CNGB1: variants seen among roughly 807,000 people sequenced by gnomAD.
CNGB1 encodes the protein cyclic nucleotide-gated channel beta-1.
Under a neutral mutation model 151.7 loss-of-function variants are expected in CNGB1, and 126 were observed. The observed-to-expected ratio is 0.83, with a 90% CI of 0.72 to 0.96. The LOEUF (loss-of-function observed/expected upper bound fraction) is 0.96. CNGB1 is among the 40% of genes least tolerant of loss of function. The probability of loss-of-function intolerance (pLI) is 0.00; values close to 1 mark genes in which losing one functional copy is unlikely to be tolerated. For missense variants in CNGB1, 1,698 were observed against 1,627.0 expected (o/e 1.04, Z -0.75); for synonymous variants, 623 against 635.1 (o/e 0.98, Z 0.29).
intron 31 of CNGB1, among the ~76,000 whole-genome samples, chr16:57,894,426 C>T (rs1434688591): frequency 6.6e-6 from 1 of 152,140 alleles, no homozygotes; most frequent in Non-Finnish European, 1.5e-5. Context: ...CGTGGCAAAG[C>T]CCCATCTCTA....
chr16:57,888,732 G>T (rs763306874), intron 31 of CNGB1, among the ~76,000 whole-genome samples: 3 of 151,622 alleles, frequency 2.0e-5, no homozygotes, highest in Non-Finnish European at 2.9e-5. Flanking sequence ...AATTACAGGT[G>T]TGAGGCACCG....
chr16:57,967,035 T>G, intron 2 of CNGB1, 93 bp downstream of exon 2: 1 of 1,577,014 alleles, frequency 6.3e-7, no homozygotes, highest in Non-Finnish European at 8.7e-7. Flanking sequence ...CAACCTTTTC[T>G]GCTGTAGAAA....
At chr16:57,952,017 T>C (rs1961960809) in intron 12 of CNGB1, among the ~76,000 whole-genome samples, 1 of 152,198 alleles carries the variant, frequency 6.6e-6, no homozygotes, top group Admixed American at 6.5e-5. Flanking sequence ...TGACCCTGAA[T>C]CCGGTGGTGG....
intron 24 of CNGB1, 21 bp downstream of exon 24, chr16:57,912,909 C>A (rs1337927491): frequency 6.2e-6 from 10 of 1,610,092 alleles, no homozygotes; most frequent in African/African-American, 2.7e-5. Flanking sequence ...TGCATGCATG[C>A]ACATGCAGGG....
At chr16:57,950,713 C>A (rs757282010) in intron 12 of CNGB1, among the ~76,000 whole-genome samples, 173 bp from the exon 13 acceptor site, 1 of 152,214 alleles carries the variant, frequency 6.6e-6, no homozygotes, top group Non-Finnish European at 1.5e-5. Context: ...ATCGGTGTTC[C>A]GGTGATAGGT....
At chr16:57,964,704 C>A (rs1293383795) in intron 2 of CNGB1, among the ~76,000 whole-genome samples, 160 bp from the exon 3 acceptor site, 3 of 152,168 alleles carry the variant, frequency 2.0e-5, no homozygotes, top group South Asian at 2.1e-4. Context: ...TTACCTTCCA[C>A]CTGGGATACT....
chr16:57,897,420 CT>C lies in CNGB1; in HGVS notation c.3218del (p.Gln1073ArgfsTer12), dbSNP rs763732525. ...NEILVHYPES[Q>X]KLLRKKARRM... is the part of the protein sequence containing the mutation. The stretch of plus-strand genomic sequence containing the variant: ...ACCTGGCTTTCTTCCGGAGTAACTT[CT>C]GAGACTCAGGATAATGCACCAAAAT... On this transcript the variant is annotated frameshift_variant, in exon 31 of 33. Transcript: ENST00000251102. LOFTEE classifies it high-confidence loss of function. The C allele has an allele frequency of 6.2e-7, 1 of 1,614,128 alleles. No individual in the cohort carries two copies. Among genetic ancestry groups the C allele is most frequent in the South Asian group, 1.1e-5 (1 of 91,082 alleles).
chr16:57,958,304 G>A (rs2149385529), intron 11 of CNGB1, 106 bp downstream of exon 11: 1 of 1,010,678 alleles, frequency 9.9e-7, no homozygotes, highest in Non-Finnish European at 1.6e-6. Flanking sequence ...GGAAGGCTGG[G>A]GGAGCTGGGC....
chr16:57,934,236 C>T (rs1479475701), intron 16 of CNGB1, among the ~76,000 whole-genome samples: 1 of 152,004 alleles, frequency 6.6e-6, no homozygotes, highest in Non-Finnish European at 1.5e-5. Context: ...GGAAGGATCC[C>T]TTAAGTTCAA....
chr16:57,966,798 C>T (rs1962410445), intron 2 of CNGB1, among the ~76,000 whole-genome samples: 1 of 152,152 alleles, frequency 6.6e-6, no homozygotes, highest in South Asian at 2.1e-4. Context: ...TTTATTGGAA[C>T]CCAGCTATGC....
intron 11 of CNGB1, among the ~76,000 whole-genome samples, chr16:57,957,861 G>A (rs868833906): frequency 2.0e-5 from 3 of 152,210 alleles, no homozygotes. Context: ...ACAGCCAGGA[G>A]AGAGATTAGG....
intron 20 of CNGB1, among the ~76,000 whole-genome samples, 159 bp from the exon 21 acceptor site, chr16:57,917,635 C>T (rs776875655): frequency 0.055 from 8,099 of 147,910 alleles, 254 homozygotes; most frequent in African/African-American, 0.081. Flanking sequence ...TATACACACA[C>T]ACACACACAC....
chr16:57,904,552 C>T (rs188236830), intron 26 of CNGB1, among the ~76,000 whole-genome samples, 182 bp downstream of exon 26: 11 of 152,290 alleles, frequency 7.2e-5, no homozygotes, highest in Admixed American at 1.3e-4. Flanking sequence ...GGAATAGGGC[C>T]GAGTTCACCA....
At chr16:57,940,090 G>A (rs1360269147) in intron 15 of CNGB1, 144 bp downstream of exon 15, 11 of 841,064 alleles carry the variant, frequency 1.3e-5, no homozygotes, top group East Asian at 8.0e-5. Context: ...AGGGGGCCTC[G>A]CAGGACCCGC....
In CNGB1 at chr16:57,904,729, G is replaced by A. The variant is rs372812881; in HGVS notation, c.2634+5C>T. On this transcript the variant is annotated splice_donor_5th_base_variant and intron_variant, in intron 26 of 32. Transcript: ENST00000251102. Reference sequence around the variant, plus strand: ...GGGTGGGAAGCTGGGCTGGTGCCCCGATACCTGTCCGATCATCACAGAGAA... The same window carrying A: ...GGGTGGGAAGCTGGGCTGGTGCCCCAATACCTGTCCGATCATCACAGAGAA... 132 of 1,614,040 alleles carry A rather than the reference G, an allele frequency of 8.2e-5. 1 individual carries two copies. Among genetic ancestry groups the A allele is most frequent in the South Asian group, 3.7e-4 (34 of 91,080 alleles).
Position 57,959,873 on chromosome 16 carries a change from T to G in CNGB1, c.761+15A>C. On this transcript the variant is annotated intron_variant, in intron 10 of 32. Transcript: ENST00000251102. ...CTGCTCCCTGGTGGGAGGCGCTGCA[T>G]TGAGGGTGGCTCACCTGGCAGGGTC... 6.6e-7 allele frequency: 1 copy of G among 1,508,576 alleles called. No homozygotes were observed. The highest frequency in any genetic ancestry group is 8.9e-7 in the Non-Finnish European group (1 of 1,127,996). The allele number at this position is 1,508,576 out of a possible 1,614,324, so 93.4% of individuals were successfully genotyped here. A position where few individuals can be genotyped will look rare whatever the true frequency, so the allele number is the denominator to read the frequency against.
chr16:57,926,379 T>G (rs370209205), intron 17 of CNGB1, among the ~76,000 whole-genome samples: 10 of 152,274 alleles, frequency 6.6e-5, no homozygotes, highest in South Asian at 2.1e-4. Flanking sequence ...AACCTGAGTC[T>G]GCCAGGGTTC....
At chr16:57,914,001 A>G (rs529388272) in intron 23 of CNGB1, among the ~76,000 whole-genome samples, 1 of 152,162 alleles carries the variant, frequency 6.6e-6, no homozygotes, top group African/African-American at 2.4e-5. Context: ...TTATTTTTTG[A>G]TATTTGAAAA....
intron 17 of CNGB1, among the ~76,000 whole-genome samples, chr16:57,929,476 G>GAGAGAGAGA: frequency 6.9e-6 from 1 of 145,858 alleles, no homozygotes; most frequent in African/African-American, 2.6e-5. Context: ...AGAGAGAGAG[G>GAGAGAGAGA]GAGAGAGAGA....
Sources: gnomAD v4.1 joint callset for allele counts (sites outside exome capture counted in the v4.1 genomes callset) on GRCh38, gnomAD v4.1.1 for gene constraint, MANE v1.5 for transcripts, NCBI Gene and HGNC (gene_info 2026-07-23, HGNC 2026-07-21) for gene names.